The following PCDH15 variants were observed in gnomAD, a reference collection of about 807,000 sequenced individuals.
The protein encoded by PCDH15 is protocadherin related 15, also known as protocadherin-15.
Under a neutral mutation model 178.5 loss-of-function variants are expected in PCDH15, and 129 were observed. That is an observed-to-expected ratio of 0.72 (90% CI 0.63 to 0.84). The LOEUF is 0.84. Ranked by LOEUF, PCDH15 falls within the 40% of genes least tolerant of loss-of-function variation. The pLI is 0.00. For missense variants in PCDH15, 2,230 were observed against 2,099.9 expected, an observed-to-expected ratio of 1.06 and a Z score of -1.21; for synonymous variants, 800 against 732.0, an observed-to-expected ratio of 1.09 and a Z score of -1.50.
intron 8 of PCDH15, among the ~76,000 whole-genome samples, chr10:54,248,403 A>C: frequency 6.6e-6 from 1 of 152,058 alleles, no homozygotes; most frequent in East Asian, 1.9e-4. Flanking sequence ...ATTATTTTCT[A>C]TAGACTAAGA....
At chr10:53,980,011 G>A (rs1367694757) in intron 21 of PCDH15, among the ~76,000 whole-genome samples, 1 of 152,156 alleles carries the variant, frequency 6.6e-6, no homozygotes, top group Non-Finnish European at 1.5e-5. Context: ...CTGAGGTCAA[G>A]AGTTCGTGAC....
At chr10:55,472,781 G>T (rs2132108984) in intron 2 of PCDH15, among the ~76,000 whole-genome samples, 1 of 152,222 alleles carries the variant, frequency 6.6e-6, no homozygotes, top group East Asian at 1.9e-4. Flanking sequence ...TGTTAGCCAG[G>T]ATGGCCTCCA....
chr10:55,603,703 T>C (rs1232864226), intron 2 of PCDH15, among the ~76,000 whole-genome samples: 2 of 149,082 alleles, frequency 1.3e-5, no homozygotes, highest in Non-Finnish European at 3.0e-5. Context: ...CTGAGAGATT[T>C]TGTCACCACC....
At chr10:55,379,273 T>G (rs1837477174) in intron 2 of PCDH15, among the ~76,000 whole-genome samples, 1 of 152,146 alleles carries the variant, frequency 6.6e-6, no homozygotes, top group East Asian at 1.9e-4. Flanking sequence ...ACAGACGCTT[T>G]CTTCAATGTG....
intron 2 of PCDH15, among the ~76,000 whole-genome samples, chr10:55,143,089 T>G (rs1838398278): frequency 6.6e-6 from 1 of 152,010 alleles, no homozygotes; most frequent in Non-Finnish European, 1.5e-5. Context: ...GCGCTCGCGC[T>G]CTCTCTCTCT....
At chr10:55,448,402 G>T (rs568688580) in intron 2 of PCDH15, among the ~76,000 whole-genome samples, 3 of 151,972 alleles carry the variant, frequency 2.0e-5, no homozygotes, top group Non-Finnish European at 4.4e-5. Context: ...AAAAATATTT[G>T]TTCTTCCATA....
At position 54,344,458 on chromosome 10, in the gene PCDH15, TTAAAG is replaced by T; in HGVS notation, c.594+1902_594+1906del. Among the ~76,000 whole-genome samples the T allele has an allele frequency of 1.3e-5, 2 of 152,140 alleles. 1 individual carries two copies. The highest frequency in any genetic ancestry group is 3.9e-4 in the East Asian group (2 of 5,188). ...TCTACATTTTAAGCAGAAAGATAGT[TTAAAG>T]TAATATATTTTTGCTCTCAAACTAT... On this transcript the variant is annotated intron_variant, in intron 6 of 37. Transcript: ENST00000644397.
chr10:55,261,043 A>G (rs1193423553), intron 1 of PCDH15, among the ~76,000 whole-genome samples: 3 of 152,162 alleles, frequency 2.0e-5, no homozygotes, highest in Non-Finnish European at 4.4e-5. Context: ...AACACTAAAA[A>G]TGAAATTTTT....
At chr10:54,103,480 A>T (rs955930369) in intron 15 of PCDH15, among the ~76,000 whole-genome samples, 4 of 152,320 alleles carry the variant, frequency 2.6e-5, no homozygotes, top group African/African-American at 9.6e-5. Context: ...GATCTGACAT[A>T]CAGAGAAGAG....
intron 1 of PCDH15, among the ~76,000 whole-genome samples, chr10:55,188,957 T>TA (rs1158707102): frequency 2.0e-5 from 3 of 151,748 alleles, no homozygotes; most frequent in Non-Finnish European, 2.9e-5. Context: ...AATCAACAAT[T>TA]AAAAAAATAA....
intron 30 of PCDH15, among the ~76,000 whole-genome samples, chr10:53,830,170 C>T (rs554758997): frequency 1.6e-4 from 25 of 152,018 alleles, no homozygotes; most frequent in Middle Eastern, 3.4e-3. Context: ...GGTGTGGTGG[C>T]GCATGCCTGT....
chr10:54,559,373 T>A (rs564041048), intron 2 of PCDH15, among the ~76,000 whole-genome samples: 1 of 152,136 alleles, frequency 6.6e-6, no homozygotes, highest in South Asian at 2.1e-4. Context: ...CTTGGCTATA[T>A]TAATCCAGGT....
chr10:55,329,966 A>G (rs188531050), intron 2 of PCDH15, among the ~76,000 whole-genome samples: 1 of 151,892 alleles, frequency 6.6e-6, no homozygotes, highest in East Asian at 1.9e-4. Flanking sequence ...ATGAACTGCC[A>G]TTTTACTGAG....
rs144479123 is a variant in PCDH15 at position 53,990,130 on chromosome 10, T to G, written c.2868+5519A>C. On this transcript the variant is annotated intron_variant, in intron 21 of 37. Coordinates refer to ENST00000644397, the MANE Select transcript of PCDH15 (RefSeq NM_001384140.1). The stretch of plus-strand genomic sequence containing the variant: ...CATTTTAATAAAACACAGATATACA[T>G]TATAGAAAAGAAGATCTAGCCATCT... Among the ~76,000 whole-genome samples, 395 of 152,202 alleles carry G rather than the reference T, an allele frequency of 2.6e-3. 7 individuals are homozygous for G. Among genetic ancestry groups the G allele is most frequent in the African/African-American group, 8.2e-3 (341 of 41,504 alleles).
At chr10:55,224,054 C>T (rs997158692) in intron 1 of PCDH15, among the ~76,000 whole-genome samples, 1 of 151,918 alleles carries the variant, frequency 6.6e-6, no homozygotes, top group Non-Finnish European at 1.5e-5. Flanking sequence ...GAGTTTGAGA[C>T]CAGCCTGGAC....
chr10:54,605,443 G>T (rs78468683), intron 2 of PCDH15, among the ~76,000 whole-genome samples: 1 of 151,806 alleles, frequency 6.6e-6, no homozygotes, highest in South Asian at 2.1e-4. Context: ...GTTTGTTTCC[G>T]CATTTTAAAT....
intron 1 of PCDH15, among the ~76,000 whole-genome samples, chr10:55,249,085 T>G (rs1047261102): frequency 7.9e-5 from 12 of 152,098 alleles, no homozygotes; most frequent in Non-Finnish European, 1.3e-4. Context: ...AGTAGATAGA[T>G]AAACAAACGA....
At chr10:54,249,874 CTA>C (rs1026545948) in intron 8 of PCDH15, among the ~76,000 whole-genome samples, 2 of 151,924 alleles carry the variant, frequency 1.3e-5, no homozygotes, top group African/African-American at 4.8e-5. Context: ...AGAAATAAAA[CTA>C]GATTGAAAAA....
intron 2 of PCDH15, among the ~76,000 whole-genome samples, chr10:55,335,630 T>C (rs570667308): frequency 6.6e-6 from 1 of 152,088 alleles, no homozygotes; most frequent in African/African-American, 2.4e-5. Context: ...TAATGACAGG[T>C]TGGAAAGACT....
Sources: gnomAD v4.1 joint callset for allele counts (sites outside exome capture counted in the v4.1 genomes callset) on GRCh38, gnomAD v4.1.1 for gene constraint, MANE v1.5 for transcripts, NCBI Gene and HGNC (gene_info 2026-07-23, HGNC 2026-07-21) for gene names.